UGT2A1: variants seen among roughly 807,000 people sequenced by gnomAD.
The protein encoded by UGT2A1 is UDP glucuronosyltransferase family 2 member A1 complex locus, also known as UDP-glucuronosyltransferase 2A1.
In UGT2A1, 61 loss-of-function variants were observed where a neutral mutation model predicts 45.4. That is an observed-to-expected ratio of 1.34 (90% CI 1.09 to 1.66). The LOEUF is 1.66. Ranked by LOEUF, UGT2A1 falls within the 40% of genes most tolerant of loss-of-function variation. UGT2A1 has a pLI of 0.00. For synonymous variants in UGT2A1, 229 were observed against 196.2 expected (o/e 1.17, Z -1.40); for missense variants, 649 against 574.3 (o/e 1.13, Z -1.33).
intron 2 of UGT2A1, chr4:69,639,222 T>C: frequency 6.2e-7 from 1 of 1,613,698 alleles, no homozygotes; most frequent in Non-Finnish European, 8.5e-7. Context: ...CTTTGGGTTC[T>C]TTAGTACACC....
At chr4:69,594,760 C>A in intron 5 of UGT2A1, 64 bp from the exon 6 acceptor site, 1 of 1,528,632 alleles carries the variant, frequency 6.5e-7, no homozygotes, top group Admixed American at 2.0e-5. Flanking sequence ...ATTTGAGAGA[C>A]AGAAGGGGTC....
rs143851367 is a variant in UGT2A1 at position 69,642,143 on chromosome 4, C to T, written c.715+4787G>A. Among the ~76,000 whole-genome samples, 149 of 151,868 alleles carry T rather than the reference C, an allele frequency of 9.8e-4. 1 individual carries two copies. The highest frequency in any genetic ancestry group is 3.4e-3 in the African/African-American group (140 of 41,498). On this transcript the variant is annotated intron_variant, in intron 2 of 6. Transcript: ENST00000286604. ...TTTTAAGAAATATATGCATATAAAACTCAAGATTATATCCACACAAATTGT... is the reference window on the plus strand; with the variant it reads ...TTTTAAGAAATATATGCATATAAAATTCAAGATTATATCCACACAAATTGT...
At chr4:69,651,089 C>T (rs563634497) in intron 1 of UGT2A1, among the ~76,000 whole-genome samples, 13 of 152,030 alleles carry the variant, frequency 8.6e-5, no homozygotes, top group African/African-American at 3.1e-4. Flanking sequence ...GCATAAATAC[C>T]TCAGAAATAT....
At chr4:69,613,174 T>G (rs922965067) in intron 3 of UGT2A1, among the ~76,000 whole-genome samples, 1 of 151,866 alleles carries the variant, frequency 6.6e-6, no homozygotes, top group Admixed American at 6.6e-5. Context: ...AAAATCATAA[T>G]GATATATAAA....
chr4:69,618,105 A>T (rs563712726), intron 3 of UGT2A1, among the ~76,000 whole-genome samples: 20 of 152,072 alleles, frequency 1.3e-4, no homozygotes, highest in African/African-American at 4.8e-4. Context: ...ACATGTTTTT[A>T]TATAGATATT....
chr4:69,589,958 G>A (rs1029303964), intron 6 of UGT2A1, among the ~76,000 whole-genome samples: 1 of 152,190 alleles, frequency 6.6e-6, no homozygotes, highest in African/African-American at 2.4e-5. Flanking sequence ...GAGCTATACT[G>A]TAGGATGGTT....
chr4:69,651,443 A>G (rs1226211459), intron 1 of UGT2A1, among the ~76,000 whole-genome samples: 1 of 152,226 alleles, frequency 6.6e-6, no homozygotes, highest in Non-Finnish European at 1.5e-5. Flanking sequence ...TGATTACTAT[A>G]TTTGTGAAAG....
chr4:69,597,447 A>G (rs1003518529), intron 4 of UGT2A1, among the ~76,000 whole-genome samples: 12 of 152,178 alleles, frequency 7.9e-5, no homozygotes, highest in African/African-American at 2.9e-4. Flanking sequence ...AAAATCTGAG[A>G]TTAAGGCCTT....
In UGT2A1 at chr4:69,591,190, G is replaced by GT. The variant is rs547773450; in HGVS notation, c.1305-1540dup. Among the ~76,000 whole-genome samples, 250 of 152,240 alleles carry GT rather than the reference G, an allele frequency of 1.6e-3. 1 individual carries two copies. Among genetic ancestry groups the GT allele is most frequent in the Non-Finnish European group, 2.8e-3 (192 of 68,024 alleles). The stretch of plus-strand genomic sequence containing the variant: ...GATATTTATTTGTAGCAAAATATGA[G>GT]TGACCATGGCCCATGATAAAGCCCT... On this transcript the variant is annotated intron_variant, in intron 6 of 6. Coordinates refer to ENST00000286604, the MANE Select transcript of UGT2A1 (RefSeq NM_001252275.3).
At chr4:69,649,191 C>A (rs942270728) in intron 1 of UGT2A1, among the ~76,000 whole-genome samples, 1 of 152,004 alleles carries the variant, frequency 6.6e-6, no homozygotes, top group African/African-American at 2.4e-5. Flanking sequence ...CTCCCATCAC[C>A]AAAGATAATC....
At chr4:69,617,116 A>G (rs1034806470) in intron 3 of UGT2A1, among the ~76,000 whole-genome samples, 3 of 151,942 alleles carry the variant, frequency 2.0e-5, no homozygotes, top group African/African-American at 7.2e-5. Flanking sequence ...GAATTACAGA[A>G]CTATTGTTAG....
intron 3 of UGT2A1, 133 bp downstream of exon 3, chr4:69,635,558 T>A (rs1721629015): frequency 6.2e-6 from 1 of 162,062 alleles, no homozygotes; most frequent in African/African-American, 2.4e-5. Flanking sequence ...GGCTGGGTGA[T>A]GTGGCTCAAG....
intron 3 of UGT2A1, among the ~76,000 whole-genome samples, chr4:69,621,069 A>G (rs1158841396): frequency 1.3e-5 from 2 of 152,074 alleles, no homozygotes; most frequent in Non-Finnish European, 2.9e-5. Context: ...CTTAGTCAAT[A>G]CTATCCTGGA....
chr4:69,589,145 C>A lies in UGT2A1; in HGVS notation c.*227G>T. The stretch of plus-strand genomic sequence containing the variant: ...AGTGACAGGAAGAGGGTATAGTCAG[C>A]AGGGAGAGACAAAGGAAAAATAGAA... On this transcript the variant is annotated 3_prime_UTR_variant, in exon 7 of 7. Coordinates refer to ENST00000286604, the MANE Select transcript of UGT2A1 (RefSeq NM_001252275.3). 2.4e-6 allele frequency: 1 copy of A among 424,002 alleles called. No homozygotes were observed. Among genetic ancestry groups the A allele is most frequent in the Admixed American group, 4.1e-5 (1 of 24,320 alleles). The allele number at this position is 424,002 out of a possible 1,614,324, so 26.3% of individuals were successfully genotyped here.
At chr4:69,590,311 C>T (rs1718514797) in intron 6 of UGT2A1, among the ~76,000 whole-genome samples, 1 of 152,178 alleles carries the variant, frequency 6.6e-6, no homozygotes, top group Non-Finnish European at 1.5e-5. Flanking sequence ...AACTTGCCAT[C>T]ACAATAGAGA....
At chr4:69,639,162 G>A (rs1320251065) in intron 2 of UGT2A1, 21 of 1,613,516 alleles carry the variant, frequency 1.3e-5, no homozygotes, top group East Asian at 2.2e-5. Flanking sequence ...GATTGTTACT[G>A]GGTCTGCTAC....
intron 2 of UGT2A1, among the ~76,000 whole-genome samples, chr4:69,638,375 A>G (rs1721837907): frequency 6.6e-6 from 1 of 152,152 alleles, no homozygotes; most frequent in African/African-American, 2.4e-5. Context: ...GCCACAGGAT[A>G]GAGAGAAATT....
intron 6 of UGT2A1, among the ~76,000 whole-genome samples, chr4:69,593,067 G>T (rs1313966835): frequency 6.6e-6 from 1 of 152,044 alleles, no homozygotes; most frequent in Non-Finnish European, 1.5e-5. Context: ...ATTTCCACAG[G>T]TCTGAAGGAA....
chr4:69,596,642 C>A (rs935164240), intron 4 of UGT2A1, among the ~76,000 whole-genome samples: 1 of 152,138 alleles, frequency 6.6e-6, no homozygotes, highest in Admixed American at 6.5e-5. Flanking sequence ...ACACCTCAGC[C>A]TCCTGAGTAA....
Sources: allele counts gnomAD v4.1 joint callset (sites outside exome capture counted in the v4.1 genomes callset), GRCh38; gene constraint gnomAD v4.1.1; transcripts MANE v1.5; gene names NCBI Gene and HGNC (gene_info 2026-07-23, HGNC 2026-07-21).